Variants in SLC2A13 observed in about 807,000 individuals in gnomAD.
The protein encoded by SLC2A13 is solute carrier family 2 member 13, also known as proton myo-inositol cotransporter.
Under a neutral mutation model 64.4 loss-of-function variants are expected in SLC2A13, and 32 were observed. That is an observed-to-expected ratio of 0.50 (90% CI 0.37 to 0.67). The LOEUF (loss-of-function observed/expected upper bound fraction) is 0.67. SLC2A13 is among the 30% of genes least tolerant of loss of function. The pLI, the probability that SLC2A13 is intolerant of heterozygous loss-of-function variation, is 0.00. For synonymous variants in SLC2A13, 338 were observed against 327.1 expected (o/e 1.03, Z -0.36); for missense variants, 743 against 829.2 (o/e 0.90, Z 1.28).
intron 1 of SLC2A13, among the ~76,000 whole-genome samples, chr12:40,103,708 A>G (rs79605372): frequency 6.6e-6 from 1 of 152,328 alleles, no homozygotes; most frequent in Non-Finnish European, 1.5e-5. Context: ...AAATGATGTT[A>G]TTTCTATGTC....
intron 1 of SLC2A13, among the ~76,000 whole-genome samples, chr12:40,098,778 C>A (rs1939047985): frequency 6.6e-6 from 1 of 152,212 alleles, no homozygotes; most frequent in Admixed American, 6.5e-5. Flanking sequence ...ATTATGAAGA[C>A]TATGTGAATT....
At chr12:39,947,886 T>C (rs548716443) in intron 4 of SLC2A13, among the ~76,000 whole-genome samples, 66 of 152,190 alleles carry the variant, frequency 4.3e-4, no homozygotes, top group Admixed American at 1.4e-3. Context: ...GGTCTCGATC[T>C]CCTGACTTCA....
chr12:39,944,540 A>G (rs1158703136), intron 4 of SLC2A13, among the ~76,000 whole-genome samples: 1 of 152,188 alleles, frequency 6.6e-6, no homozygotes, highest in Non-Finnish European at 1.5e-5. Context: ...TTAGGTGCAC[A>G]TGTTTAGGAT....
chr12:39,927,363 T>C (rs573680526), intron 4 of SLC2A13, among the ~76,000 whole-genome samples: 1 of 152,278 alleles, frequency 6.6e-6, no homozygotes, highest in African/African-American at 2.4e-5. Context: ...TGAAAATTGG[T>C]GAGTCATATG....
At chr12:39,957,271 TAG>T (rs1394831354) in intron 3 of SLC2A13, among the ~76,000 whole-genome samples, 2 of 152,148 alleles carry the variant, frequency 1.3e-5, no homozygotes, top group African/African-American at 4.8e-5. Flanking sequence ...AGTAAGTGTT[TAG>T]AGAGAGAACT....
At chr12:39,944,891 C>A (rs1179397523) in intron 4 of SLC2A13, among the ~76,000 whole-genome samples, 4 of 152,072 alleles carry the variant, frequency 2.6e-5, no homozygotes, top group South Asian at 2.1e-4. Flanking sequence ...CTCTTTCTTG[C>A]CTGGGTACTT....
intron 3 of SLC2A13, among the ~76,000 whole-genome samples, chr12:39,981,193 A>C (rs1179774803): frequency 1.3e-5 from 2 of 150,146 alleles, no homozygotes; most frequent in African/African-American, 4.9e-5. Context: ...AGGGAAATTT[A>C]TAGCACTAAA....
intron 7 of SLC2A13, among the ~76,000 whole-genome samples, chr12:39,792,806 A>AG (rs1453937703): frequency 2.0e-5 from 3 of 151,014 alleles, no homozygotes; most frequent in Non-Finnish European, 4.4e-5. Flanking sequence ...ATTTAATGAA[A>AG]AAAAAAAACC....
rs117242860 is a variant in SLC2A13, at chr12:40,038,376, T to G, written c.716+9675A>C. ...GCATATATTTCATTTATTTATTTAA[T>G]AAATTACTAACATTTATTTTATACC... On this transcript the variant is annotated intron_variant, in intron 2 of 9. Transcript: ENST00000280871. Among the ~76,000 whole-genome samples the G allele has an allele frequency of 6.6e-5, 10 of 152,320 alleles. No homozygotes were observed. In the East Asian group the frequency reaches 1.9e-3, roughly 29 times the overall value.
chr12:39,829,981 G>A, intron 7 of SLC2A13, 122 bp downstream of exon 7: 1 of 1,205,894 alleles, frequency 8.3e-7, no homozygotes, highest in Non-Finnish European at 1.2e-6. Context: ...ATGCTGCAAA[G>A]TAATGTAGTT....
In SLC2A13 at chr12:40,105,108, A is replaced by C. The variant is rs900766374; in HGVS notation, c.556+145T>G. On this transcript the variant is annotated intron_variant, in intron 1 of 9. Transcript: ENST00000280871. The surrounding 1 kb of genome is among the most constrained non-coding windows in gnomAD (Gnocchi z 4.2). ...CCTTGGAGGCTGGACCAACAAACAG[A>C]TGGGCTCTGGAGGCCAGAGAAGTGG... 18 of 1,354,546 alleles carry C rather than the reference A, an allele frequency of 1.3e-5. No individual in the cohort carries two copies. The highest frequency in any genetic ancestry group is 1.6e-5 in the Non-Finnish European group (17 of 1,055,204). The allele number at this position is 1,354,546 out of a possible 1,614,324, so 83.9% of individuals were successfully genotyped here. A position where few individuals can be genotyped will look rare whatever the true frequency, so the allele number is the denominator to read the frequency against.
At chr12:40,087,371 T>C (rs1356002645) in intron 1 of SLC2A13, among the ~76,000 whole-genome samples, 1 of 152,208 alleles carries the variant, frequency 6.6e-6, no homozygotes, top group Non-Finnish European at 1.5e-5. Context: ...TCTGTGTTTC[T>C]TCCATTCATC....
chr12:40,071,654 G>C (rs1319375979), intron 1 of SLC2A13, among the ~76,000 whole-genome samples: 3 of 152,066 alleles, frequency 2.0e-5, no homozygotes, highest in African/African-American at 7.2e-5. Context: ...AGTTTTGGAA[G>C]GTTATGATAT....
Position 40,105,669 on chromosome 12 carries a change from G to T in SLC2A13, c.140C>A (p.Ser47Ter). Reference sequence around the variant, plus strand: ...GCCCGCGCTCTGCAGGCTGGTGCTCGATTCGGCGGCAGCCAGGAGGCTGCA... The same window carrying T: ...GCCCGCGCTCTGCAGGCTGGTGCTCTATTCGGCGGCAGCCAGGAGGCTGCA... ...GECSLLAAAESSTSLQSAGAG... is the reference protein window; with the variant it reads ...GECSLLAAAE Residue 47 changes from serine to a stop codon, truncating the protein, a stop_gained, in exon 1 of 10, where the codon TCG (serine) becomes TAG (stop). Transcript: ENST00000280871. LOFTEE classifies it high-confidence loss of function. The surrounding 1 kb of genome is among the most constrained non-coding windows in gnomAD (Gnocchi z 4.2). 6.7e-7 allele frequency: 1 copy of T among 1,491,370 alleles called. No homozygotes were observed. Among genetic ancestry groups the T allele is most frequent in the Non-Finnish European group, 8.9e-7 (1 of 1,122,698 alleles). The allele number at this position is 1,491,370 out of a possible 1,614,324, so 92.4% of individuals were successfully genotyped here.
At chr12:39,791,189 A>G (rs1941390596) in intron 7 of SLC2A13, among the ~76,000 whole-genome samples, 1 of 151,348 alleles carries the variant, frequency 6.6e-6, no homozygotes, top group Non-Finnish European at 1.5e-5. Flanking sequence ...CATGCTAAAA[A>G]CTCTCAATAA....
intron 1 of SLC2A13, among the ~76,000 whole-genome samples, chr12:40,077,240 G>A (rs957909797): frequency 3.9e-5 from 6 of 152,000 alleles, no homozygotes; most frequent in African/African-American, 1.4e-4. Context: ...CCTATATCTA[G>A]AATGGTATTT....
intron 4 of SLC2A13, among the ~76,000 whole-genome samples, chr12:39,949,257 T>C (rs908416950): frequency 1.3e-5 from 2 of 152,228 alleles, no homozygotes; most frequent in Non-Finnish European, 2.9e-5. Context: ...TATTAATTTA[T>C]GCAGGAAGTT....
At chr12:39,925,029 AAT>A (rs1945695953) in intron 4 of SLC2A13, among the ~76,000 whole-genome samples, 2 of 95,092 alleles carry the variant, frequency 2.1e-5, no homozygotes, top group African/African-American at 3.9e-5. Flanking sequence ...ACATACAGAT[AAT>A]TTTTTTTTTT....
At chr12:39,816,819 T>C (rs920076605) in intron 7 of SLC2A13, among the ~76,000 whole-genome samples, 58 of 152,250 alleles carry the variant, frequency 3.8e-4, no homozygotes, top group African/African-American at 1.3e-3. Context: ...TGAAAAGCAA[T>C]GCTTTACTGA....
Sources: allele counts gnomAD v4.1 joint callset (sites outside exome capture counted in the v4.1 genomes callset), GRCh38; gene constraint gnomAD v4.1.1; non-coding constraint Gnocchi (gnomAD v3.1); transcripts MANE v1.5; gene names NCBI Gene and HGNC (gene_info 2026-07-23, HGNC 2026-07-21).